STAG1: variants seen among roughly 807,000 people sequenced by gnomAD.
STAG1 encodes cohesin subunit SA-1.
STAG1 carries 26 observed loss-of-function variants against 170.9 expected under a neutral mutation model. That is an observed-to-expected ratio of 0.15 (90% CI 0.11 to 0.21). The LOEUF (loss-of-function observed/expected upper bound fraction) is 0.21. Among genes scored for constraint, STAG1 ranks in the 10% least tolerant of loss-of-function variants. The pLI, the probability that STAG1 is intolerant of heterozygous loss-of-function variation, is 1.00. For missense variants in STAG1, 964 were observed against 1,509.5 expected (o/e 0.64, Z 5.99); for synonymous variants, 514 against 497.7 (o/e 1.03, Z -0.44).
chr3:136,736,709 G>C lies in STAG1; in HGVS notation c.-84+15486C>G, dbSNP rs574793280. ...GTCGTTTCCTTTCAGCATCTCTTTG[G>C]CTTCTCTCTCTTTCCTTTTAATTTC... On this transcript the variant is annotated intron_variant, in intron 1 of 33. Transcript: ENST00000383202. 149 of 1,603,298 alleles carry C rather than the reference G, an allele frequency of 9.3e-5. 2 individuals are homozygous for C. In the South Asian group the frequency reaches 1.6e-3, roughly 17 times the overall value.
intron 8 of STAG1, among the ~76,000 whole-genome samples, chr3:136,502,330 G>C (rs1465009364): frequency 6.6e-6 from 1 of 152,008 alleles, no homozygotes; most frequent in African/African-American, 2.4e-5. Flanking sequence ...CTGGCTCACG[G>C]TTCTGACTTC....
chr3:136,376,646 T>C (rs1486577802), intron 23 of STAG1, among the ~76,000 whole-genome samples: 2 of 152,148 alleles, frequency 1.3e-5, no homozygotes, highest in Non-Finnish European at 2.9e-5. Context: ...CGGGTGGTAT[T>C]GACAAGAGTT....
At chr3:136,572,522 G>A (rs934524059) in intron 4 of STAG1, among the ~76,000 whole-genome samples, 5 of 150,476 alleles carry the variant, frequency 3.3e-5, no homozygotes, top group Non-Finnish European at 7.4e-5. Context: ...AGCCCAGGAG[G>A]TGGAGGTTGA....
intron 1 of STAG1, among the ~76,000 whole-genome samples, chr3:136,694,773 C>G (rs1407523041): frequency 6.6e-6 from 1 of 151,944 alleles, no homozygotes; most frequent in African/African-American, 2.4e-5. Flanking sequence ...ATCTGGGGAA[C>G]CTCACAATTG....
In STAG1 at chr3:136,337,060, T is replaced by C. The variant is rs561757501; in HGVS notation, c.*1194A>G. 6.5e-6 allele frequency: 1 copy of C among 152,786 alleles called. No homozygotes were observed. Among genetic ancestry groups the C allele is most frequent in the South Asian group, 2.1e-4 (1 of 4,830 alleles). 9.5% of individuals were successfully genotyped at this position (152,786 alleles called of 1,614,324 possible). A position where few individuals can be genotyped will look rare whatever the true frequency, so the allele number is the denominator to read the frequency against. ...CATTGTAGACTGTCCTGAAGATTCA[T>C]AATTTCTTTCCCCAAAAGAATTATT... On this transcript the variant is annotated 3_prime_UTR_variant, in exon 34 of 34. Coordinates refer to ENST00000383202, the MANE Select transcript of STAG1 (RefSeq NM_005862.3).
At chr3:136,489,577 C>G (rs909491348) in intron 9 of STAG1, among the ~76,000 whole-genome samples, 1 of 152,150 alleles carries the variant, frequency 6.6e-6, no homozygotes, top group Non-Finnish European at 1.5e-5. Flanking sequence ...AAAAGGCACA[C>G]TCTCTAAATT....
Position 136,443,424 on chromosome 3 carries a change from T to A in STAG1, c.1429-20A>T. On this transcript the variant is annotated intron_variant, in intron 14 of 33. Coordinates refer to ENST00000383202, the MANE Select transcript of STAG1 (RefSeq NM_005862.3). ...ATGTAACTAAAAAGAAAAAATCAAG[T>A]GTGACCAAAGAATATTTAATAAAGA... The A allele has an allele frequency of 6.6e-7, 1 of 1,504,136 alleles. No individual in the cohort carries two copies. The highest frequency in any genetic ancestry group is 9.2e-7 in the Non-Finnish European group (1 of 1,089,654). The allele number at this position is 1,504,136 out of a possible 1,614,324, so 93.2% of individuals were successfully genotyped here.
intron 6 of STAG1, among the ~76,000 whole-genome samples, chr3:136,530,807 A>G (rs937109279): frequency 6.6e-6 from 1 of 152,192 alleles, no homozygotes; most frequent in African/African-American, 2.4e-5. Context: ...CTGCATCAAA[A>G]GAGTAATAAG....
chr3:136,686,746 T>C lies in STAG1; in HGVS notation c.-83-55765A>G, dbSNP rs572725007. ...ACCAGGTGACTTGTTTTTTTTAATC[T>C]TCTATAATTGTGTTTTTACTTTTCC... On this transcript the variant is annotated intron_variant, in intron 1 of 33. Transcript: ENST00000383202. 5.3e-5 allele frequency among the ~76,000 whole-genome samples: 8 copies of C among 152,344 alleles called. No homozygotes were observed. The East Asian group carries it at 1.2e-3, about 22-fold the overall frequency.
rs1937674168 is a variant in STAG1, at chr3:136,377,564, T to C, written c.2370+96A>G. Reference sequence around the variant, plus strand: ...GTCCAGTAAATGTTAGGAATGAACATGTGTACAAAAACTGCCATAAAAAAT... The same window carrying C: ...GTCCAGTAAATGTTAGGAATGAACACGTGTACAAAAACTGCCATAAAAAAT... On this transcript the variant is annotated intron_variant, in intron 23 of 33. Coordinates refer to ENST00000383202, the MANE Select transcript of STAG1 (RefSeq NM_005862.3). 7 of 892,220 alleles carry C rather than the reference T, an allele frequency of 7.8e-6. No individual in the cohort carries two copies. In the South Asian group the frequency reaches 8.9e-5, roughly 11 times the overall value. The allele number at this position is 892,220 out of a possible 1,614,324, so 55.3% of individuals were successfully genotyped here.
chr3:136,407,886 ACT>A (rs1237375947), intron 21 of STAG1, among the ~76,000 whole-genome samples: 1 of 147,358 alleles, frequency 6.8e-6, no homozygotes, highest in Non-Finnish European at 1.5e-5. Context: ...ACAGAGCAAG[ACT>A]CTGTCTCCAA....
chr3:136,635,193 AATAAAC>A (rs1940505017), intron 1 of STAG1, among the ~76,000 whole-genome samples: 1 of 152,240 alleles, frequency 6.6e-6, no homozygotes, highest in Admixed American at 6.5e-5. Flanking sequence ...CAATATCTCT[AATAAAC>A]ATATATGTGA....
At chr3:136,537,505 G>GTT (rs112443777) in intron 6 of STAG1, among the ~76,000 whole-genome samples, 184 of 131,862 alleles carry the variant, frequency 1.4e-3, no homozygotes, top group African/African-American at 2.1e-3. Context: ...TTTTTTTTTT[G>GTT]TTTTTTTTTT....
At chr3:136,639,189 A>G (rs1244704166) in intron 1 of STAG1, among the ~76,000 whole-genome samples, 6 of 133,220 alleles carry the variant, frequency 4.5e-5, no homozygotes, top group Non-Finnish European at 8.1e-5. Context: ...AAAAAAGAAA[A>G]GAAAAAAAAA....
intron 13 of STAG1, among the ~76,000 whole-genome samples, chr3:136,463,752 T>C (rs1405171011): frequency 3.6e-5 from 3 of 83,054 alleles, no homozygotes; most frequent in Non-Finnish European, 7.4e-5. Context: ...TGTGTGTGTG[T>C]GTGTGTGTGT....
At chr3:136,636,925 A>C (rs963234466) in intron 1 of STAG1, among the ~76,000 whole-genome samples, 8 of 152,170 alleles carry the variant, frequency 5.3e-5, no homozygotes, top group Non-Finnish European at 1.2e-4. Context: ...ATACATACCT[A>C]AACTACTCAT....
At chr3:136,743,678 T>G (rs1934793688) in intron 1 of STAG1, among the ~76,000 whole-genome samples, 1 of 152,086 alleles carries the variant, frequency 6.6e-6, no homozygotes, top group Admixed American at 6.6e-5. Context: ...CAAGGAAGAA[T>G]AACACTATTA....
intron 3 of STAG1, among the ~76,000 whole-genome samples, chr3:136,609,959 T>A (rs1056920030): frequency 1.5e-4 from 23 of 151,234 alleles, no homozygotes; most frequent in African/African-American, 2.9e-4. Flanking sequence ...GTCCTGAATT[T>A]AAAAAAAAAA....
chr3:136,696,612 T>C (rs1300831647), intron 1 of STAG1, among the ~76,000 whole-genome samples: 2 of 152,154 alleles, frequency 1.3e-5, no homozygotes, highest in Non-Finnish European at 2.9e-5. Context: ...AGGTTGTGCA[T>C]ATTGGGGGAG....
Sources: allele counts gnomAD v4.1 joint callset (sites outside exome capture counted in the v4.1 genomes callset), GRCh38; gene constraint gnomAD v4.1.1; transcripts MANE v1.5; gene names NCBI Gene and HGNC (gene_info 2026-07-23, HGNC 2026-07-21).